The following DLGAP1 variants were observed in gnomAD, a reference collection of about 807,000 sequenced individuals.
DLGAP1 encodes the protein DLG associated protein 1.
DLGAP1 carries 11 observed loss-of-function variants against 90.8 expected under a neutral mutation model. The observed-to-expected ratio is 0.12, with a 90% CI of 0.08 to 0.20. The LOEUF is 0.20. DLGAP1 is among the 10% of genes least tolerant of loss of function. The pLI, the probability that DLGAP1 is intolerant of heterozygous loss-of-function variation, is 1.00. For synonymous variants in DLGAP1, 558 were observed against 540.7 expected, an observed-to-expected ratio of 1.03 and a Z score of -0.44; for missense variants, 1,050 against 1,333.8, an observed-to-expected ratio of 0.79 and a Z score of 3.31.
At chr18:3,855,770 C>T (rs2069605286) in intron 4 of DLGAP1, among the ~76,000 whole-genome samples, 1 of 152,104 alleles carries the variant, frequency 6.6e-6, no homozygotes, top group African/African-American at 2.4e-5. Flanking sequence ...CGTGCCACCA[C>T]ACCAGGCTAA....
intron 3 of DLGAP1, among the ~76,000 whole-genome samples, chr18:3,991,842 C>A (rs1401058434): frequency 6.6e-6 from 1 of 152,214 alleles, no homozygotes; most frequent in Non-Finnish European, 1.5e-5. Flanking sequence ...TTGTAACTAA[C>A]CACTTTGATT....
intron 1 of DLGAP1, among the ~76,000 whole-genome samples, chr18:4,322,234 G>A (rs975637036): frequency 2.6e-5 from 4 of 151,766 alleles, no homozygotes; most frequent in Non-Finnish European, 5.9e-5. Context: ...AAAGAAAAAG[G>A]GAAAAGCATT....
At position 3,720,888 on chromosome 18, in the gene DLGAP1, C is replaced by CAAAAAAAAAAAAAAAAAAAAAAAA. The variant is rs1186426563; in HGVS notation, c.1591+8246_1591+8247insTTTTTTTTTTTTTTTTTTTTTTTT. 4.6e-4 allele frequency among the ~76,000 whole-genome samples: 23 copies of CAAAAAAAAAAAAAAAAAAAAAAAA among 50,300 alleles called. 2 individuals carry two copies. Among genetic ancestry groups the CAAAAAAAAAAAAAAAAAAAAAAAA allele is most frequent in the African/African-American group, 1.4e-3 (18 of 12,484 alleles). 33.0% of individuals were successfully genotyped at this position (50,300 alleles called of 152,430 possible). On this transcript the variant is annotated intron_variant, in intron 7 of 12. Transcript: ENST00000315677. The stretch of plus-strand genomic sequence containing the variant: ...GCAACATACTAAGACCTTGTCTCTA[C>CAAAAAAAAAAAAAAAAAAAAAAAA]AAAAAAAAAAAAAAAAAAAAATTAG...
intron 5 of DLGAP1, among the ~76,000 whole-genome samples, chr18:3,762,679 T>C (rs1046335372): frequency 6.6e-6 from 1 of 152,200 alleles, no homozygotes; most frequent in Non-Finnish European, 1.5e-5. Flanking sequence ...ATCAGCATGC[T>C]GAAAGGTCAC....
At chr18:4,067,661 C>T (rs1293194864) in intron 2 of DLGAP1, among the ~76,000 whole-genome samples, 1 of 151,916 alleles carries the variant, frequency 6.6e-6, no homozygotes, top group Non-Finnish European at 1.5e-5. Flanking sequence ...GGAGGCTTCA[C>T]CTGCATAACA....
At chr18:4,263,324 A>G (rs1403553561) in intron 1 of DLGAP1, among the ~76,000 whole-genome samples, 1 of 152,238 alleles carries the variant, frequency 6.6e-6, no homozygotes, top group Admixed American at 6.5e-5. Context: ...CTAGAAAACT[A>G]ACAGAGTAGG....
Position 4,383,644 on chromosome 18 carries a change from T to G in DLGAP1, c.-267+71362A>C, listed in dbSNP as rs570460683. 1.2e-4 allele frequency among the ~76,000 whole-genome samples: 19 copies of G among 152,278 alleles called. No individual in the cohort carries two copies. Among genetic ancestry groups the G allele is most frequent in the African/African-American group, 3.1e-4 (13 of 41,566 alleles). ...AAGTAGAACTGCTTTCTGACTATGCTATGTAGAATGCGAAGTGATTAAACA... is the reference window on the plus strand; with the variant it reads ...AAGTAGAACTGCTTTCTGACTATGCGATGTAGAATGCGAAGTGATTAAACA... On this transcript the variant is annotated intron_variant, in intron 1 of 12. Coordinates refer to ENST00000315677, the MANE Select transcript of DLGAP1 (RefSeq NM_004746.4). The surrounding 1 kb of genome is among the most constrained non-coding windows in gnomAD (Gnocchi z 4.0).
chr18:4,310,421 A>G (rs1260744570), intron 1 of DLGAP1, among the ~76,000 whole-genome samples: 1 of 152,200 alleles, frequency 6.6e-6, no homozygotes. Flanking sequence ...CATCTTCCCC[A>G]GGAAGTTTCC....
At chr18:4,188,150 T>G (rs2077332278) in intron 1 of DLGAP1, among the ~76,000 whole-genome samples, 1 of 152,222 alleles carries the variant, frequency 6.6e-6, no homozygotes, top group Non-Finnish European at 1.5e-5. Context: ...CAAAAATTTA[T>G]GTTACCAATT....
chr18:4,006,250 C>T (rs559379645), intron 2 of DLGAP1, among the ~76,000 whole-genome samples: 2 of 152,304 alleles, frequency 1.3e-5, no homozygotes, highest in African/African-American at 4.8e-5. Context: ...CCCCTGCATC[C>T]TGTTTGTCTT....
intron 1 of DLGAP1, chr18:4,264,613 C>G (rs551720887): frequency 6.6e-6 from 1 of 152,276 alleles, no homozygotes; most frequent in Admixed American, 6.5e-5. Context: ...AGCCAAATCC[C>G]GACAGGACTT....
At chr18:4,344,170 T>C (rs1226841055) in intron 1 of DLGAP1, among the ~76,000 whole-genome samples, 1 of 152,208 alleles carries the variant, frequency 6.6e-6, no homozygotes, top group Non-Finnish European at 1.5e-5. Flanking sequence ...ATTATAATGA[T>C]GACAGTAGTG....
intron 1 of DLGAP1, among the ~76,000 whole-genome samples, chr18:4,162,465 C>T (rs1012569445): frequency 1.3e-5 from 2 of 152,130 alleles, no homozygotes; most frequent in African/African-American, 4.8e-5. Flanking sequence ...TAAAAATTAT[C>T]TTTTACCTTA....
chr18:3,548,234 A>G (rs2053172145), intron 9 of DLGAP1, among the ~76,000 whole-genome samples: 1 of 151,970 alleles, frequency 6.6e-6, no homozygotes, highest in East Asian at 1.9e-4. Flanking sequence ...AAAATGGTTT[A>G]AATGGTAAAT....
chr18:3,903,904 T>C (rs2071839375), intron 3 of DLGAP1, among the ~76,000 whole-genome samples: 2 of 152,258 alleles, frequency 1.3e-5, no homozygotes, highest in South Asian at 4.1e-4. Context: ...CTAGAACTAT[T>C]CTGCAAAAAA....
Position 3,606,357 on chromosome 18 carries a change from C to T in DLGAP1, c.1592-24109G>A, listed in dbSNP as rs144541260. Among the ~76,000 whole-genome samples, 724 of 152,312 alleles carry T rather than the reference C, an allele frequency of 4.8e-3. 4 individuals are homozygous for T. The highest frequency in any genetic ancestry group is 0.017 in the African/African-American group (686 of 41,560). On this transcript the variant is annotated intron_variant, in intron 7 of 12. Coordinates refer to ENST00000315677, the MANE Select transcript of DLGAP1 (RefSeq NM_004746.4). ...AGAATTCGCTGCTCTCAAAGACAGA[C>T]GTTTTCATTACTTCCTTACATTATA...
At chr18:3,762,140 A>C (rs1042857485) in intron 5 of DLGAP1, among the ~76,000 whole-genome samples, 2 of 152,218 alleles carry the variant, frequency 1.3e-5, no homozygotes, top group Non-Finnish European at 2.9e-5. Flanking sequence ...TGATACTTCT[A>C]TTAGTTGGTG....
chr18:4,257,025 C>A (rs1409547863), intron 1 of DLGAP1, among the ~76,000 whole-genome samples: 2 of 152,110 alleles, frequency 1.3e-5, no homozygotes, highest in Admixed American at 6.5e-5. Flanking sequence ...TGACACACTG[C>A]CCAGGATGTG....
chr18:4,031,811 G>A (rs771430317), intron 2 of DLGAP1, among the ~76,000 whole-genome samples: 1 of 152,182 alleles, frequency 6.6e-6, no homozygotes, highest in Non-Finnish European at 1.5e-5. Context: ...ATAAATTACT[G>A]ACAAGAAAAT....
Sources: gnomAD v4.1 joint callset for allele counts (sites outside exome capture counted in the v4.1 genomes callset) on GRCh38, gnomAD v4.1.1 for gene constraint, Gnocchi (gnomAD v3.1) non-coding constraint, MANE v1.5 for transcripts, NCBI Gene and HGNC (gene_info 2026-07-23, HGNC 2026-07-21) for gene names.